Variants in TMSB15B observed in about 807,000 individuals in gnomAD.
The protein encoded by TMSB15B is thymosin beta-15B.
chrX:103,928,007 G>A lies in TMSB15B; in HGVS notation c.-721+8715G>A, dbSNP rs144767553. ...GGGTTCATTTCCAATTAAGCAATGA[G>A]AATGCTTGCCAACGGAATTAATTGG... On this transcript the variant is annotated intron_variant, in intron 1 of 3. Coordinates refer to the TMSB15B transcript ENST00000419165. 400 of 524,544 alleles carry A rather than the reference G, an allele frequency of 7.6e-4. 1 individual carries two copies. Among genetic ancestry groups the A allele is most frequent in the East Asian group, 1.1e-3 (32 of 27,889 alleles). The allele number at this position is 524,544 out of a possible 1,213,427, so 43.2% of individuals were successfully genotyped here. A position where few individuals can be genotyped will look rare whatever the true frequency, so the allele number is the denominator to read the frequency against.
chrX:103,921,284 G>C lies in TMSB15B; in HGVS notation c.-721+1992G>C, dbSNP rs1374417314. 3.6e-5 allele frequency among the ~76,000 whole-genome samples: 4 copies of C among 111,997 alleles called. 1 individual carries two copies. In the Middle Eastern group the frequency reaches 0.018, roughly 511 times the overall value. On this transcript the variant is annotated intron_variant, in intron 1 of 3. Coordinates refer to the TMSB15B transcript ENST00000419165. ...TCACCTCGCACACTTAGGGGTGATG[G>C]TGGCAGTAGCTCTTAGGTTTCCTTC...
chrX:103,950,567 C>A (rs1184488319), intron 1 of TMSB15B, among the ~76,000 whole-genome samples: 1 of 108,423 alleles, frequency 9.2e-6, no homozygotes, highest in Non-Finnish European at 1.9e-5. Flanking sequence ...CAAAGGGGAG[C>A]AAAGAAATTG....
chrX:103,928,883 G>A, intron 1 of TMSB15B: 11 of 1,205,222 alleles, frequency 9.1e-6, no homozygotes, highest in Non-Finnish European at 1.1e-5. Flanking sequence ...AACACTTGGG[G>A]CCAAAAGCTT....
intron 1 of TMSB15B, among the ~76,000 whole-genome samples, chrX:103,952,321 GAGCTGGTTGGTGACACTAGCTGTCAAA>G (rs1293439036): frequency 8.9e-6 from 1 of 112,051 alleles, no homozygotes; most frequent in South Asian, 3.8e-4. Context: ...ACAGCAATAA[GAGCTGGTTGGTGACACTAGCTGTCAAA>G]AGCTGGAAGT....
intron 1 of TMSB15B, among the ~76,000 whole-genome samples, chrX:103,920,313 C>T (rs782024195): frequency 9.0e-5 from 10 of 111,599 alleles, no homozygotes; most frequent in Non-Finnish European, 1.1e-4. Context: ...GTTATAAATG[C>T]AGATTCCTGG....
chrX:103,953,138 C>T (rs2075042915), intron 1 of TMSB15B, among the ~76,000 whole-genome samples: 1 of 111,309 alleles, frequency 9.0e-6, no homozygotes, highest in Non-Finnish European at 1.9e-5. Flanking sequence ...AGCTCCCCAC[C>T]GAAAGAAGTG....
chrX:103,940,710 A>AAAC (rs1210954662), intron 1 of TMSB15B, among the ~76,000 whole-genome samples: 76 of 110,477 alleles, frequency 6.9e-4, no homozygotes, highest in South Asian at 1.2e-3. Flanking sequence ...GGGGTATGAA[A>AAAC]AACAACAACA....
chrX:103,954,490 G>T (rs782360738), intron 1 of TMSB15B, among the ~76,000 whole-genome samples: 5 of 111,571 alleles, frequency 4.5e-5, no homozygotes, highest in Non-Finnish European at 9.4e-5. Flanking sequence ...CCATAATATA[G>T]CTTCCCTCAA....
At chrX:103,930,766 T>TAATAAA (rs1419605742) in intron 1 of TMSB15B, among the ~76,000 whole-genome samples, 49 of 102,944 alleles carry the variant, frequency 4.8e-4, no homozygotes, top group African/African-American at 1.3e-3. Flanking sequence ...ATAATAATAA[T>TAATAAA]AAATTACTTT....
At chrX:103,949,663 A>AT (rs1379499965) in intron 1 of TMSB15B, among the ~76,000 whole-genome samples, 1 of 112,273 alleles carries the variant, frequency 8.9e-6, no homozygotes, top group African/African-American at 3.2e-5. Flanking sequence ...TGCCTATGAC[A>AT]TTTTGAGTTT....
chrX:103,945,650 C>A (rs1299456549), intron 1 of TMSB15B, among the ~76,000 whole-genome samples: 6 of 111,990 alleles, frequency 5.4e-5, no homozygotes, highest in African/African-American at 1.9e-4. Flanking sequence ...ATATTCAAAT[C>A]ATAACAATGC....
At chrX:103,937,242 T>C (rs2075000552) in intron 1 of TMSB15B, among the ~76,000 whole-genome samples, 2 of 112,097 alleles carry the variant, frequency 1.8e-5, no homozygotes, top group South Asian at 7.4e-4. Flanking sequence ...TCAGAAGGAA[T>C]GGTATAAGCT....
intron 1 of TMSB15B, among the ~76,000 whole-genome samples, chrX:103,946,333 C>T (rs2075025562): frequency 8.9e-6 from 1 of 112,044 alleles, no homozygotes; most frequent in Non-Finnish European, 1.9e-5. Context: ...CAGGGTTTCT[C>T]ACTGAAAACA....
At chrX:103,944,164 C>T (rs1280321739) in intron 1 of TMSB15B, among the ~76,000 whole-genome samples, 1 of 111,904 alleles carries the variant, frequency 8.9e-6, no homozygotes, top group Non-Finnish European at 1.9e-5. Flanking sequence ...ATTCATGATA[C>T]TTAATAAAAT....
chrX:103,921,521 A>G (rs1217241042), intron 1 of TMSB15B, among the ~76,000 whole-genome samples: 21 of 112,034 alleles, frequency 1.9e-4, no homozygotes, highest in Non-Finnish European at 2.4e-4. Context: ...GAGTTGGACT[A>G]CTGGAACAAA....
intron 1 of TMSB15B, among the ~76,000 whole-genome samples, chrX:103,927,718 G>A (rs1390710706): frequency 9.7e-6 from 1 of 102,797 alleles, no homozygotes; most frequent in Non-Finnish European, 2.0e-5. Context: ...GTAGTTTATA[G>A]AATGCACAGT....
At chrX:103,941,000 G>A (rs1271950896) in intron 1 of TMSB15B, among the ~76,000 whole-genome samples, 8 of 110,926 alleles carry the variant, frequency 7.2e-5, no homozygotes, top group Non-Finnish European at 1.5e-4. Context: ...TGGGTGAGGC[G>A]ACACCCCACC....
At chrX:103,943,132 T>C (rs782779564) in intron 1 of TMSB15B, among the ~76,000 whole-genome samples, 10 of 111,921 alleles carry the variant, frequency 8.9e-5, no homozygotes, top group Non-Finnish European at 1.9e-4. Flanking sequence ...TGTATCCAAC[T>C]GCCTACTTGA....
At chrX:103,919,488 G>GCATGGACA (rs1229980831) in intron 1 of TMSB15B, 5 of 112,328 alleles carry the variant, frequency 4.5e-5, no homozygotes, top group Non-Finnish European at 7.5e-5. Flanking sequence ...GGATGCGCCT[G>GCATGGACA]TCTCCTTTCT....
Sources: gnomAD v4.1 joint callset for allele counts (sites outside exome capture counted in the v4.1 genomes callset) on GRCh38, gnomAD v4.1.1 for gene constraint, MANE v1.5 for transcripts, NCBI Gene and HGNC (gene_info 2026-07-23, HGNC 2026-07-21) for gene names.